XKR6: variants seen among roughly 807,000 people sequenced by gnomAD.
XKR6 encodes XK related 6, also known as XK-related protein 6.
In XKR6, 22 loss-of-function variants were observed where a neutral mutation model predicts 56.7. The ratio of observed to expected loss-of-function variants is 0.39; its 90% CI spans 0.28 to 0.55. The LOEUF (loss-of-function observed/expected upper bound fraction) is 0.55, where lower values mean the gene tolerates loss of function less well. Ranked by LOEUF, XKR6 falls within the 20% of genes least tolerant of loss-of-function variation. XKR6 has a pLI of 0.66. For synonymous variants in XKR6, 524 were observed against 387.8 expected, an observed-to-expected ratio of 1.35 and a Z score of -4.13; for missense variants, 852 against 889.0, an observed-to-expected ratio of 0.96 and a Z score of 0.53.
intron 2 of XKR6, among the ~76,000 whole-genome samples, chr8:10,900,693 G>C (rs1401852036): frequency 6.6e-6 from 1 of 152,060 alleles, no homozygotes; most frequent in East Asian, 1.9e-4. Flanking sequence ...CCTCACTTGT[G>C]GTACACACAA....
At chr8:11,038,806 G>A (rs1426300468) in intron 1 of XKR6, among the ~76,000 whole-genome samples, 1 of 152,104 alleles carries the variant, frequency 6.6e-6, no homozygotes, top group South Asian at 2.1e-4. Flanking sequence ...CTCCCAAAGT[G>A]CTGGGATTAC....
chr8:11,059,360 T>G (rs2129162922), intron 1 of XKR6, among the ~76,000 whole-genome samples: 1 of 152,222 alleles, frequency 6.6e-6, no homozygotes, highest in Admixed American at 6.5e-5. Flanking sequence ...CTGGCTTGCG[T>G]TTTCCCTCTC....
chr8:10,997,987 C>T (rs2094100280), intron 1 of XKR6, among the ~76,000 whole-genome samples: 1 of 151,710 alleles, frequency 6.6e-6, no homozygotes, highest in African/African-American at 2.4e-5. Context: ...TAACCCCACT[C>T]TGTATTTTAC....
chr8:11,110,860 G>A (rs149303400), intron 1 of XKR6, among the ~76,000 whole-genome samples: 10,439 of 151,234 alleles, frequency 0.069, 455 homozygotes, highest in African/African-American at 0.13. Flanking sequence ...TTTTTGAGGC[G>A]GAGTCTTGCT....
At chr8:11,094,613 C>G (rs1306310118) in intron 1 of XKR6, among the ~76,000 whole-genome samples, 2 of 152,182 alleles carry the variant, frequency 1.3e-5, no homozygotes, top group African/African-American at 4.8e-5. Context: ...TTCAAATCAT[C>G]CACTGCAGTG....
chr8:10,976,877 C>T (rs1563323331), intron 1 of XKR6, among the ~76,000 whole-genome samples: 2 of 152,140 alleles, frequency 1.3e-5, no homozygotes, highest in African/African-American at 2.4e-5. Context: ...GCTGCCTGAG[C>T]CCCAGTGGGC....
At position 10,979,477 on chromosome 8, in the gene XKR6, C is replaced by T. The variant is rs566492669; in HGVS notation, c.765-54647G>A. ...GGGATAAGGCAGCAGGACCTCCACA[C>T]CAGAGCCAGTCCCTTTCACAGTCTC... On this transcript the variant is annotated intron_variant, in intron 1 of 2. Coordinates refer to ENST00000416569, the MANE Select transcript of XKR6 (RefSeq NM_173683.4). Among the ~76,000 whole-genome samples, 4 of 152,094 alleles carry T rather than the reference C, an allele frequency of 2.6e-5. No homozygotes were observed. In the East Asian group the frequency reaches 7.8e-4, roughly 30 times the overall value.
intron 2 of XKR6, among the ~76,000 whole-genome samples, chr8:10,900,157 C>G (rs1008113957): frequency 1.3e-5 from 2 of 152,178 alleles, no homozygotes; most frequent in African/African-American, 4.8e-5. Flanking sequence ...AAGCTTTACC[C>G]TCCCACGGAG....
intron 1 of XKR6, among the ~76,000 whole-genome samples, chr8:10,956,650 A>T (rs1173009156): frequency 2.0e-5 from 3 of 150,998 alleles, no homozygotes; most frequent in Non-Finnish European, 4.4e-5. Context: ...TGCCAGCATC[A>T]TCATTGCCTT....
intron 1 of XKR6, among the ~76,000 whole-genome samples, chr8:11,044,070 C>G (rs1346841943): frequency 6.6e-6 from 1 of 152,206 alleles, no homozygotes; most frequent in Non-Finnish European, 1.5e-5. Flanking sequence ...CCCTGTTCCA[C>G]CAGCTGTAAC....
chr8:10,946,953 C>A (rs1801569499), intron 1 of XKR6, among the ~76,000 whole-genome samples: 1 of 152,058 alleles, frequency 6.6e-6, no homozygotes, highest in African/African-American at 2.4e-5. Context: ...GGGTCAAAAT[C>A]CCCCAGGTTT....
chr8:11,100,576 T>C (rs1443715616), intron 1 of XKR6, among the ~76,000 whole-genome samples: 1 of 152,158 alleles, frequency 6.6e-6, no homozygotes, highest in Non-Finnish European at 1.5e-5. Context: ...GCAAGTCCAA[T>C]CAGACCACTT....
At chr8:10,959,427 T>G (rs768393293) in intron 1 of XKR6, among the ~76,000 whole-genome samples, 20 of 152,164 alleles carry the variant, frequency 1.3e-4, no homozygotes, top group Non-Finnish European at 2.1e-4. Context: ...TACCCCTGGG[T>G]GGCTTAAACA....
intron 1 of XKR6, among the ~76,000 whole-genome samples, chr8:11,057,114 G>A (rs1799704831): frequency 3.3e-5 from 5 of 152,048 alleles, no homozygotes; most frequent in South Asian, 4.2e-4. Flanking sequence ...CGACCCAATC[G>A]AAGCACAAAA....
chr8:11,086,654 C>T (rs1797903173), intron 1 of XKR6, among the ~76,000 whole-genome samples: 1 of 152,178 alleles, frequency 6.6e-6, no homozygotes, highest in Non-Finnish European at 1.5e-5. Context: ...AAGTGACTTA[C>T]CTCAGCTACA....
intron 1 of XKR6, among the ~76,000 whole-genome samples, chr8:11,170,789 G>A (rs951027096): frequency 2.0e-5 from 3 of 152,144 alleles, no homozygotes; most frequent in African/African-American, 7.2e-5. Context: ...ATCTCAGGGG[G>A]CGCAACAATA....
chr8:11,062,249 T>C (rs1030580028), intron 1 of XKR6, among the ~76,000 whole-genome samples: 1 of 151,896 alleles, frequency 6.6e-6, no homozygotes, highest in Non-Finnish European at 1.5e-5. Flanking sequence ...AACTATCACA[T>C]GCCAAGAGGC....
chr8:10,956,429 C>G (rs1801890295), intron 1 of XKR6, among the ~76,000 whole-genome samples: 1 of 152,216 alleles, frequency 6.6e-6, no homozygotes, highest in South Asian at 2.1e-4. Flanking sequence ...AAAGCAGGCA[C>G]TGCACCTACC....
intron 1 of XKR6, among the ~76,000 whole-genome samples, chr8:11,003,089 G>A (rs893513404): frequency 5.9e-5 from 9 of 152,106 alleles, no homozygotes; most frequent in African/African-American, 1.7e-4. Context: ...GGACTCAGAA[G>A]GAAGGTTCAG....
Sources: allele counts gnomAD v4.1 joint callset (sites outside exome capture counted in the v4.1 genomes callset), GRCh38; gene constraint gnomAD v4.1.1; transcripts MANE v1.5; gene names NCBI Gene and HGNC (gene_info 2026-07-23, HGNC 2026-07-21).